The following IL19 variants were observed in gnomAD, a reference collection of about 807,000 sequenced individuals.
The protein encoded by IL19 is interleukin 19.
Under a neutral mutation model 19.5 loss-of-function variants are expected in IL19, and 15 were observed. That is an observed-to-expected ratio of 0.77 (90% CI 0.52 to 1.19). The LOEUF (loss-of-function observed/expected upper bound fraction) is 1.19, where lower values mean the gene tolerates loss of function less well. Among genes scored for constraint, IL19 ranks in the 50% most tolerant of loss-of-function variants. The pLI is 0.00. For missense variants in IL19, 199 were observed against 213.1 expected (o/e 0.93, Z 0.41); for synonymous variants, 78 against 78.3 (o/e 1.00, Z 0.02).
intron 1 of IL19, among the ~76,000 whole-genome samples, chr1:206,784,315 C>T (rs1675214122): frequency 6.6e-6 from 1 of 152,196 alleles, no homozygotes; most frequent in Admixed American, 6.5e-5. Flanking sequence ...TCCCAGCCTG[C>T]CCCTTCTGTT....
intron 2 of IL19, among the ~76,000 whole-genome samples, chr1:206,806,428 A>G (rs961714735): frequency 6.6e-6 from 1 of 152,232 alleles, no homozygotes; most frequent in Non-Finnish European, 1.5e-5. Flanking sequence ...CAATAAATAA[A>G]TAGGCAGGGA....
chr1:206,831,035 T>C (rs766359261), intron 2 of IL19, among the ~76,000 whole-genome samples: 1 of 152,190 alleles, frequency 6.6e-6, no homozygotes, highest in Non-Finnish European at 1.5e-5. Flanking sequence ...CTCAAGTCCA[T>C]GGAGCCTCAT....
chr1:206,791,659 C>T (rs563494560), intron 1 of IL19, among the ~76,000 whole-genome samples: 1 of 152,266 alleles, frequency 6.6e-6, no homozygotes, highest in South Asian at 2.1e-4. Flanking sequence ...GCTTCCTGTG[C>T]CCCATGCCCA....
chr1:206,785,883 C>T (rs560820962), intron 1 of IL19, among the ~76,000 whole-genome samples: 2 of 152,056 alleles, frequency 1.3e-5, no homozygotes, highest in Non-Finnish European at 1.5e-5. Flanking sequence ...GCTCCAGTTT[C>T]CAAAAAAGTG....
chr1:206,796,738 A>G (rs943430665), intron 1 of IL19, among the ~76,000 whole-genome samples: 2 of 152,240 alleles, frequency 1.3e-5, no homozygotes, highest in Non-Finnish European at 2.9e-5. Flanking sequence ...AATACACTCT[A>G]TGATGTTTGC....
chr1:206,807,273 A>T (rs1178467495), intron 2 of IL19, among the ~76,000 whole-genome samples: 1 of 152,156 alleles, frequency 6.6e-6, no homozygotes, highest in East Asian at 1.9e-4. Flanking sequence ...TTGGGTGGAG[A>T]TACAGCCAAA....
chr1:206,832,986 C>T (rs1232624170), intron 2 of IL19, among the ~76,000 whole-genome samples: 1 of 152,208 alleles, frequency 6.6e-6, no homozygotes, highest in African/African-American at 2.4e-5. Context: ...GCTGCAGGAA[C>T]AGGGTTTGTA....
chr1:206,798,545 A>G (rs748207991), intron 1 of IL19, among the ~76,000 whole-genome samples: 1 of 150,622 alleles, frequency 6.6e-6, no homozygotes, highest in Non-Finnish European at 1.5e-5. Context: ...TTATATACAC[A>G]TTTTTTTTTC....
At chr1:206,839,187 T>C (rs1286069629) in intron 4 of IL19, among the ~76,000 whole-genome samples, 1 of 152,248 alleles carries the variant, frequency 6.6e-6, no homozygotes, top group Non-Finnish European at 1.5e-5. Context: ...ACATCTGCAC[T>C]CTGCAGGCTG....
intron 5 of IL19, 94 bp downstream of exon 5, chr1:206,840,096 C>T: frequency 7.2e-7 from 1 of 1,384,046 alleles, no homozygotes. Flanking sequence ...TGATATGGTG[C>T]TTGGAGTCAA....
intron 2 of IL19, among the ~76,000 whole-genome samples, chr1:206,812,812 A>G (rs1252695896): frequency 2.0e-5 from 3 of 152,132 alleles, no homozygotes; most frequent in Non-Finnish European, 4.4e-5. Context: ...GTGTATTTGT[A>G]TATATTAATT....
chr1:206,827,521 T>C (rs1302040239), intron 2 of IL19, among the ~76,000 whole-genome samples: 1 of 151,990 alleles, frequency 6.6e-6, no homozygotes, highest in Non-Finnish European at 1.5e-5. Flanking sequence ...AAACCCCGTC[T>C]CTACTAAAAA....
At chr1:206,789,018 T>C (rs1368743244) in intron 1 of IL19, among the ~76,000 whole-genome samples, 1 of 152,248 alleles carries the variant, frequency 6.6e-6, no homozygotes, top group Non-Finnish European at 1.5e-5. Context: ...GGACAGTGTC[T>C]GTTGTTTCCA....
chr1:206,787,949 C>A (rs571013238), intron 1 of IL19, among the ~76,000 whole-genome samples: 2 of 152,184 alleles, frequency 1.3e-5, no homozygotes, highest in African/African-American at 4.8e-5. Context: ...TCCTTTCCAC[C>A]AGCCACATTC....
chr1:206,771,230 T>C (rs1674827170), intron 1 of IL19, 152 bp downstream of exon 1: 3 of 1,156,300 alleles, frequency 2.6e-6, no homozygotes, highest in Non-Finnish European at 3.9e-6. Flanking sequence ...TGTGCTGAGT[T>C]AACATCTTCC....
At chr1:206,777,237 A>G in intron 1 of IL19, among the ~76,000 whole-genome samples, 1 of 137,032 alleles carries the variant, frequency 7.3e-6, no homozygotes, top group Middle Eastern at 3.8e-3. Context: ...TCTCAAAAAA[A>G]AAAAAAAAAA....
chr1:206,776,443 T>TGTGTGTGTGTGC (rs891890120), intron 1 of IL19, among the ~76,000 whole-genome samples: 45 of 152,106 alleles, frequency 3.0e-4, no homozygotes, highest in African/African-American at 1.1e-3. Context: ...TGTGTGTGTG[T>TGTGTGTGTGTGC]GTGTGTGTGT....
chr1:206,802,784 T>G (rs1675746268), intron 2 of IL19, among the ~76,000 whole-genome samples: 1 of 152,148 alleles, frequency 6.6e-6, no homozygotes, highest in South Asian at 2.1e-4. Flanking sequence ...TGCTCTGTCC[T>G]CTATGCCCAC....
In IL19 at chr1:206,770,836, T is replaced by A. The variant is rs1240154314; in HGVS notation, c.-391T>A. 4.2e-6 allele frequency: 6 copies of A among 1,418,136 alleles called. No homozygotes were observed. The highest frequency in any genetic ancestry group is 2.8e-5 in the African/African-American group (2 of 71,456). 87.8% of individuals were successfully genotyped at this position (1,418,136 alleles called of 1,614,324 possible). Reference sequence around the variant, plus strand: ...TCTTTGCTGTGTCTGTGGATGTGAGTGTCCCTGCTGGTCTGTAGGAGATGG... The same window carrying A: ...TCTTTGCTGTGTCTGTGGATGTGAGAGTCCCTGCTGGTCTGTAGGAGATGG... On this transcript the variant is annotated 5_prime_UTR_variant, in exon 1 of 7. Coordinates refer to ENST00000659997, the MANE Select transcript of IL19 (RefSeq NM_153758.5).
Sources: allele counts gnomAD v4.1 joint callset (sites outside exome capture counted in the v4.1 genomes callset), GRCh38; gene constraint gnomAD v4.1.1; transcripts MANE v1.5; gene names NCBI Gene and HGNC (gene_info 2026-07-23, HGNC 2026-07-21).